The following RGS22 variants were observed in gnomAD, a reference collection of about 807,000 sequenced individuals.
RGS22 encodes the protein regulator of G protein signaling 22.
RGS22 carries 148 observed loss-of-function variants against 172.9 expected under a neutral mutation model. The ratio of observed to expected loss-of-function variants is 0.86; its 90% confidence interval spans 0.75 to 0.98. The LOEUF is 0.98. Ranked by LOEUF, RGS22 falls within the 50% of genes least tolerant of loss-of-function variation. The pLI, the probability that RGS22 is intolerant of heterozygous loss-of-function variation, is 0.00. For missense variants in RGS22, 1,347 were observed against 1,440.8 expected, an observed-to-expected ratio of 0.93 and a Z score of 1.05; for synonymous variants, 458 against 480.2, an observed-to-expected ratio of 0.95 and a Z score of 0.60.
intron 21 of RGS22, among the ~76,000 whole-genome samples, chr8:99,986,486 T>C (rs1384911598): frequency 6.6e-6 from 1 of 152,182 alleles, no homozygotes; most frequent in African/African-American, 2.4e-5. Flanking sequence ...AATAGACTGC[T>C]TGCAAGGAAA....
Position 100,004,029 on chromosome 8 carries a change from C to G in RGS22, c.2524G>C (p.Asp842His), listed in dbSNP as rs1294147608. 1 of 1,612,044 alleles carries G rather than the reference C, an allele frequency of 6.2e-7. No individual in the cohort carries two copies. Among genetic ancestry groups the G allele is most frequent in the Non-Finnish European group, 8.5e-7 (1 of 1,178,898 alleles). The change falls in exon 17 of 28, where the codon GAT becomes CAT. Residue 842 changes from aspartate (D) to histidine (H), a missense_variant. Transcript: ENST00000360863. Reference sequence around the variant, plus strand: ...TGCTTGTATTCTGCAGGAACATTATCCCAATATTCTGTTCGTTTAGAGACG... The same window carrying G: ...TGCTTGTATTCTGCAGGAACATTATGCCAATATTCTGTTCGTTTAGAGACG... Reference protein sequence around the residue: ...SNVSKRTEYWDNVPAEYKHFK... With the variant: ...SNVSKRTEYWHNVPAEYKHFK...
At chr8:100,079,982 G>A (rs1586230058) in intron 4 of RGS22, 152 bp downstream of exon 4, 1 of 556,134 alleles carries the variant, frequency 1.8e-6, no homozygotes, top group East Asian at 3.0e-5. Context: ...ACTGGCCATT[G>A]GATTTGAAAA....
At chr8:99,988,095 A>G (rs888595366) in intron 20 of RGS22, among the ~76,000 whole-genome samples, 1 of 151,472 alleles carries the variant, frequency 6.6e-6, no homozygotes, top group Non-Finnish European at 1.5e-5. Context: ...AATTGATTCT[A>G]TAAGTTAAAT....
intron 9 of RGS22, among the ~76,000 whole-genome samples, chr8:100,060,973 C>T (rs1190231377): frequency 6.6e-6 from 1 of 152,008 alleles, no homozygotes; most frequent in African/African-American, 2.4e-5. Flanking sequence ...AACAGACACA[C>T]AGACCAATCA....
At chr8:100,088,631 T>C (rs1335417204) in intron 3 of RGS22, among the ~76,000 whole-genome samples, 4 of 152,166 alleles carry the variant, frequency 2.6e-5, no homozygotes, top group Non-Finnish European at 4.4e-5. Context: ...TCATTTATAA[T>C]AGCAGCAACT....
At chr8:99,980,239 T>C (rs1046899170) in intron 22 of RGS22, among the ~76,000 whole-genome samples, 1 of 152,130 alleles carries the variant, frequency 6.6e-6, no homozygotes, top group African/African-American at 2.4e-5. Context: ...GCACCGGAAT[T>C]GAAATATTTT....
intron 21 of RGS22, among the ~76,000 whole-genome samples, chr8:99,986,206 G>A (rs1480294706): frequency 3.3e-5 from 5 of 151,880 alleles, no homozygotes; most frequent in African/African-American, 9.7e-5. Context: ...CTCCAGCCTG[G>A]GCAACAAAAT....
chr8:100,093,643 C>A, intron 2 of RGS22, 134 bp from the exon 3 acceptor site: 2 of 612,350 alleles, frequency 3.3e-6, no homozygotes, highest in Non-Finnish European at 5.7e-6. Context: ...AACAGTGAAC[C>A]CTCACTATAA....
At chr8:100,086,878 T>G (rs889035982) in intron 3 of RGS22, among the ~76,000 whole-genome samples, 15 of 151,368 alleles carry the variant, frequency 9.9e-5, no homozygotes, top group Non-Finnish European at 2.1e-4. Context: ...CACTGAAGAG[T>G]TTTTAGCTGA....
intron 20 of RGS22, among the ~76,000 whole-genome samples, chr8:99,991,487 C>T (rs1429699706): frequency 6.6e-6 from 1 of 152,064 alleles, no homozygotes; most frequent in African/African-American, 2.4e-5. Context: ...CTTCAATAGC[C>T]AATTCGATCA....
chr8:100,051,472 AT>A lies in RGS22; in HGVS notation c.1689+1329del, dbSNP rs1821305113. ...TATATTATATTATATATAAATATAT[AT>A]TATATATATTTATATATAATATATA... On this transcript the variant is annotated intron_variant, in intron 10 of 27. Transcript: ENST00000360863. Among the ~76,000 whole-genome samples, 3 of 100,874 alleles carry A rather than the reference AT, an allele frequency of 3.0e-5. No homozygotes were observed. In the South Asian group the frequency reaches 8.7e-4, roughly 29 times the overall value. 66.2% of individuals were successfully genotyped at this position (100,874 alleles called of 152,430 possible).
intron 26 of RGS22, 85 bp from the exon 27 acceptor site, chr8:99,962,528 TCA>T (rs558200723): frequency 3.4e-6 from 5 of 1,484,110 alleles, no homozygotes; most frequent in African/African-American, 1.4e-5. Flanking sequence ...GAAGCAGGAC[TCA>T]CACACACGGA....
Position 100,047,444 on chromosome 8 carries a change from C to A in RGS22, c.1823+19G>T. 1 of 1,574,220 alleles carries A rather than the reference C, an allele frequency of 6.4e-7. No homozygotes were observed. The highest frequency in any genetic ancestry group is 8.6e-7 in the Non-Finnish European group (1 of 1,166,384). On this transcript the variant is annotated intron_variant, in intron 11 of 27. Coordinates refer to ENST00000360863, the MANE Select transcript of RGS22 (RefSeq NM_015668.5). ...TAGTATTGCAGAAAAGCACTTAACA[C>A]ACAAAAAGTTGCACCTACCCTTTCT...
At chr8:100,065,117 T>C (rs1272552814) in intron 7 of RGS22, among the ~76,000 whole-genome samples, 2 of 152,352 alleles carry the variant, frequency 1.3e-5, no homozygotes, top group East Asian at 3.9e-4. Flanking sequence ...TCAATGACCA[T>C]TTTCTCAATT....
rs753595468 is a variant in RGS22 at position 99,999,391 on chromosome 8, C to A, written c.2820G>T (p.Lys940Asn). ...GTGCATCAAGCTGCTCATGAAGAAT[C>A]TTCCCCCAGCCACCACTTAAATGCA... Reference protein sequence around the residue: ...QVMHLSGGWGKILHEQLDAPV... With the variant: ...QVMHLSGGWGNILHEQLDAPV... The change falls in exon 19 of 28, where the codon AAG becomes AAT. Residue 940 changes from lysine to asparagine, a missense_variant. Transcript: ENST00000360863. The A allele has an allele frequency of 6.2e-7, 1 of 1,613,702 alleles. No individual in the cohort carries two copies.
rs1343834503 is a variant in RGS22 at position 100,071,425 on chromosome 8, C to A, written c.538G>T (p.Ala180Ser). 6.2e-7 allele frequency: 1 copy of A among 1,612,894 alleles called. No individual in the cohort carries two copies. The highest frequency in any genetic ancestry group is 1.7e-5 in the Admixed American group (1 of 59,928). The change falls in exon 6 of 28, where the codon GCC (alanine) becomes TCC (serine). Residue 180 changes from alanine to serine, a missense_variant. Physicochemically the swap from Ala to Ser is moderately conservative, Grantham distance 99. Transcript: ENST00000360863. ...VKKPPSLPPPATEEDNLVIMK... is the reference protein window; with the variant it reads ...VKKPPSLPPPSTEEDNLVIMK... ...ATTACAAGATTATCTTCTTCAGTGG[C>A]AGGAGGTGGTAGACTGGGTGGTTTT...
rs1812738536 is a variant in RGS22 at position 100,093,455 on chromosome 8, T to A, written c.109A>T (p.Ser37Cys). 1 of 1,578,270 alleles carries A rather than the reference T, an allele frequency of 6.3e-7. No individual in the cohort carries two copies. The highest frequency in any genetic ancestry group is 8.7e-7 in the Non-Finnish European group (1 of 1,153,984). ...FLVDYFNEFL[S>C]LPTFSEAIRF... is the part of the protein sequence containing the mutation. ...CATAATAATAAACTCACTGGAAGGC[T>A]TAGGAATTCATTAAAGTAGTCTACA... Residue 37 changes from serine to cysteine, a missense_variant, in exon 3 of 28, where the codon AGC becomes TGC. Ser to Cys is a moderately radical substitution (Grantham distance 112, BLOSUM62 -1). Coordinates refer to ENST00000360863, the MANE Select transcript of RGS22 (RefSeq NM_015668.5).
intron 23 of RGS22, among the ~76,000 whole-genome samples, chr8:99,975,345 C>G (rs1028961403): frequency 6.6e-6 from 1 of 152,068 alleles, no homozygotes; most frequent in Non-Finnish European, 1.5e-5. Context: ...TTTCTTATTA[C>G]TAATAATCCT....
chr8:99,983,485 A>C (rs73274946), intron 21 of RGS22, among the ~76,000 whole-genome samples: 13,354 of 152,032 alleles, frequency 0.088, 731 homozygotes, highest in African/African-American at 0.14. Flanking sequence ...CTGACCGTTT[A>C]ATAATAGCCA....
Sources: allele counts gnomAD v4.1 joint callset (sites outside exome capture counted in the v4.1 genomes callset), GRCh38; gene constraint gnomAD v4.1.1; transcripts MANE v1.5; gene names NCBI Gene and HGNC (gene_info 2026-07-23, HGNC 2026-07-21).